The following DIAPH3 variants were observed in gnomAD, a reference collection of about 807,000 sequenced individuals.
DIAPH3 encodes the protein protein diaphanous homolog 3.
Under a neutral mutation model 144.3 loss-of-function variants are expected in DIAPH3, and 117 were observed. The observed-to-expected ratio is 0.81, with a 90% confidence interval of 0.70 to 0.95. The LOEUF is 0.95. Ranked by LOEUF, DIAPH3 falls within the 40% of genes least tolerant of loss-of-function variation. The pLI, the probability that DIAPH3 is intolerant of heterozygous loss-of-function variation, is 0.00. For synonymous variants in DIAPH3, 519 were observed against 488.9 expected (o/e 1.06, Z -0.81); for missense variants, 1,421 against 1,412.7 (o/e 1.01, Z -0.09).
At chr13:60,007,641 A>T (rs2052965869) in intron 9 of DIAPH3, among the ~76,000 whole-genome samples, 2 of 152,170 alleles carry the variant, frequency 1.3e-5, no homozygotes, top group Non-Finnish European at 2.9e-5. Context: ...AGAAGTACGG[A>T]GGTGAGAATC....
chr13:59,918,216 A>AG (rs1001553269), intron 18 of DIAPH3, among the ~76,000 whole-genome samples: 2 of 151,558 alleles, frequency 1.3e-5, no homozygotes, highest in African/African-American at 2.4e-5. Context: ...AGGAAAAAAA[A>AG]AAAAAAAAGA....
chr13:59,946,659 C>T (rs142150952), intron 17 of DIAPH3, among the ~76,000 whole-genome samples: 1 of 152,112 alleles, frequency 6.6e-6, no homozygotes, highest in African/African-American at 2.4e-5. Context: ...GAGTACTGGC[C>T]CATGCTTACC....
chr13:59,670,793 C>CT (rs2032330209), intron 27 of DIAPH3, among the ~76,000 whole-genome samples: 1 of 152,036 alleles, frequency 6.6e-6, no homozygotes, highest in South Asian at 2.1e-4. Flanking sequence ...CTGTGTTAGC[C>CT]AGGATGGTCT....
chr13:59,885,955 G>A (rs2045418712), intron 20 of DIAPH3, among the ~76,000 whole-genome samples: 1 of 152,076 alleles, frequency 6.6e-6, no homozygotes, highest in Non-Finnish European at 1.5e-5. Context: ...AAGCCACCAA[G>A]ATCGTAGACA....
intron 3 of DIAPH3, among the ~76,000 whole-genome samples, chr13:60,107,063 T>C (rs544774800): frequency 2.6e-5 from 4 of 152,272 alleles, no homozygotes; most frequent in Admixed American, 1.3e-4. Context: ...AAAACTTTAA[T>C]AGTGTGTGAG....
At chr13:59,812,292 C>G (rs2040527407) in intron 24 of DIAPH3, among the ~76,000 whole-genome samples, 1 of 151,636 alleles carries the variant, frequency 6.6e-6, no homozygotes, top group Non-Finnish European at 1.5e-5. Flanking sequence ...ATCCATCCAT[C>G]CATCCATCCA....
intron 3 of DIAPH3, among the ~76,000 whole-genome samples, chr13:60,095,507 A>G (rs1305073011): frequency 6.6e-6 from 1 of 152,100 alleles, no homozygotes; most frequent in African/African-American, 2.4e-5. Flanking sequence ...GGCCATTGCC[A>G]TGGCATTTGT....
At chr13:60,009,669 T>C (rs1312125313) in intron 8 of DIAPH3, among the ~76,000 whole-genome samples, 3 of 152,166 alleles carry the variant, frequency 2.0e-5, no homozygotes, top group South Asian at 4.1e-4. Context: ...AGGCACACTT[T>C]GCGGGCAGAC....
At chr13:60,132,247 G>A (rs1377194298) in intron 2 of DIAPH3, among the ~76,000 whole-genome samples, 2 of 152,068 alleles carry the variant, frequency 1.3e-5, no homozygotes, top group Admixed American at 1.3e-4. Flanking sequence ...GCTTACTATG[G>A]TCTAGGCATT....
chr13:59,824,915 G>A (rs1857007000), intron 24 of DIAPH3, among the ~76,000 whole-genome samples: 1 of 152,074 alleles, frequency 6.6e-6, no homozygotes, highest in East Asian at 1.9e-4. Flanking sequence ...ATGTTCGTGT[G>A]CTCAAAAATA....
rs2037622500 is a variant in DIAPH3 at position 59,762,052 on chromosome 13, C to CG, written c.3319+12136_3319+12137insC. ...GCACCCAAGATGAAAGCGTCAGCAT[C>CG]TTTTTTTTTTTTTTTTTTTTTTTTT... On this transcript the variant is annotated intron_variant, in intron 27 of 27. Transcript: ENST00000400324. 1.2e-4 allele frequency among the ~76,000 whole-genome samples: 7 copies of CG among 59,490 alleles called. No individual in the cohort carries two copies. The South Asian group carries it at 6.7e-3, about 57-fold the overall frequency. The allele number at this position is 59,490 out of a possible 152,430, so 39.0% of individuals were successfully genotyped here. A position where few individuals can be genotyped will look rare whatever the true frequency, so the allele number is the denominator to read the frequency against.
Position 59,810,834 on chromosome 13 carries a change from T to C in DIAPH3, c.3117A>G (p.Arg1039=). 2 of 1,613,612 alleles carry C rather than the reference T, an allele frequency of 1.2e-6. No homozygotes were observed. The highest frequency in any genetic ancestry group is 1.7e-6 in the Non-Finnish European group (2 of 1,179,918). The part of the protein sequence containing the change: ...RIAKELAERE[R]LERQQKKKRL... ...GCTTTTTCTTTTGTTGGCGTTCGAGTCTTTCTCGCTCTGCTAATTCTTTAG... is the reference window on the plus strand; with the variant it reads ...GCTTTTTCTTTTGTTGGCGTTCGAGCCTTTCTCGCTCTGCTAATTCTTTAG... Residue 1039 remains arginine (R), a synonymous_variant, in exon 25 of 28, where the codon AGA becomes AGG. Transcript: ENST00000400324.
chr13:60,098,284 C>T (rs1316757092), intron 3 of DIAPH3, among the ~76,000 whole-genome samples: 1 of 151,998 alleles, frequency 6.6e-6, no homozygotes, highest in African/African-American at 2.4e-5. Flanking sequence ...CTAAAGGTGG[C>T]CTCTGGTGGA....
At chr13:59,859,549 CAT>C (rs900350014) in intron 22 of DIAPH3, among the ~76,000 whole-genome samples, 1 of 152,118 alleles carries the variant, frequency 6.6e-6, no homozygotes, top group African/African-American at 2.4e-5. Flanking sequence ...TCTACTCAAC[CAT>C]GTTTTTCCCC....
chr13:60,067,616 C>T (rs371959698), intron 4 of DIAPH3, among the ~76,000 whole-genome samples: 25 of 152,246 alleles, frequency 1.6e-4, no homozygotes, highest in African/African-American at 4.8e-4. Context: ...TAATGTTTCT[C>T]CACTTCTTTA....
chr13:59,798,597 G>A (rs545070157), intron 25 of DIAPH3, among the ~76,000 whole-genome samples: 1 of 152,200 alleles, frequency 6.6e-6, no homozygotes. Context: ...GAACAACAAA[G>A]GTAGTCTTTT....
chr13:59,680,118 A>G (rs1011109307), intron 27 of DIAPH3, among the ~76,000 whole-genome samples: 1 of 152,174 alleles, frequency 6.6e-6, no homozygotes, highest in African/African-American at 2.4e-5. Flanking sequence ...AACATGGTGG[A>G]GTATATGAGG....
rs142592886 is a variant in DIAPH3 at position 59,993,104 on chromosome 13, T to C, written c.1015-521A>G. On this transcript the variant is annotated intron_variant, in intron 9 of 27. Coordinates refer to ENST00000400324, the MANE Select transcript of DIAPH3 (RefSeq NM_001042517.2). Reference sequence around the variant, plus strand: ...TGTATAATTAATTTCTAGAAGTTAATTTATCAGGCAATGGTTCTCATACTT... The same window carrying C: ...TGTATAATTAATTTCTAGAAGTTAACTTATCAGGCAATGGTTCTCATACTT... Among the ~76,000 whole-genome samples the C allele has an allele frequency of 7.7e-3, 1,173 of 152,048 alleles. 17 individuals carry two copies. The highest frequency in any genetic ancestry group is 0.026 in the African/African-American group (1,089 of 41,528).
intron 1 of DIAPH3, among the ~76,000 whole-genome samples, chr13:60,139,837 T>C (rs986181450): frequency 1.3e-5 from 2 of 152,202 alleles, no homozygotes; most frequent in Non-Finnish European, 1.5e-5. Context: ...ACAGCTTTTG[T>C]ACATATTTTA....
Sources: gnomAD v4.1 joint callset for allele counts (sites outside exome capture counted in the v4.1 genomes callset) on GRCh38, gnomAD v4.1.1 for gene constraint, MANE v1.5 for transcripts, NCBI Gene and HGNC (gene_info 2026-07-23, HGNC 2026-07-21) for gene names.